UBL7: variants seen among roughly 807,000 people sequenced by gnomAD.
UBL7 encodes ubiquitin like 7, also known as ubiquitin-like protein 7.
In UBL7, 21 loss-of-function variants were observed where a neutral mutation model predicts 41.7. The observed-to-expected ratio is 0.50, with a 90% CI of 0.36 to 0.73. UBL7 has a LOEUF of 0.73. Among genes scored for constraint, UBL7 ranks in the 30% least tolerant of loss-of-function variants. UBL7 has a pLI of 0.00. For missense variants in UBL7, 403 were observed against 478.4 expected (o/e 0.84, Z 1.47); for synonymous variants, 157 against 186.9 (o/e 0.84, Z 1.31).
chr15:74,449,247 GT>G lies in UBL7; in HGVS notation c.820del (p.Thr274ProfsTer82), dbSNP rs2061216903. The part of the protein sequence containing the change: ...PRPITQSELA[T>X]ALALASTPES... ...CGGAGTGCTGGCCAGGGCCAAGGCG[GT>G]GGCCAGCTCACTCTGGGTGATGGGC... On this transcript the variant is annotated frameshift_variant, in exon 9 of 11. Coordinates refer to ENST00000395081, the MANE Select transcript of UBL7 (RefSeq NM_032907.5). LOFTEE classifies it high-confidence loss of function. The G allele has an allele frequency of 6.2e-7, 1 of 1,609,838 alleles. No individual in the cohort carries two copies. The highest frequency in any genetic ancestry group is 8.5e-7 in the Non-Finnish European group (1 of 1,178,444).
Position 74,461,022 on chromosome 15 carries a change from C to T in UBL7, c.-30+15G>A, listed in dbSNP as rs757231389. The T allele has an allele frequency of 2.8e-6, 3 of 1,068,458 alleles. No homozygotes were observed. The highest frequency in any genetic ancestry group is 3.4e-6 in the Non-Finnish European group (3 of 876,864). 66.2% of individuals were successfully genotyped at this position (1,068,458 alleles called of 1,614,324 possible). On this transcript the variant is annotated intron_variant, in intron 1 of 10. Transcript: ENST00000395081. ...CTAGTAATGGGGCAGGAACACTATC[C>T]GGTGGCGACCTCACCGCTCCAGTGG...
At chr15:74,454,587 G>C (rs766427711) in intron 3 of UBL7, among the ~76,000 whole-genome samples, 14 of 152,042 alleles carry the variant, frequency 9.2e-5, no homozygotes, top group Non-Finnish European at 2.1e-4. Flanking sequence ...TAGTATAGAC[G>C]GGGTTTCTCC....
At position 74,446,599 on chromosome 15, in the gene UBL7, G is replaced by A. The variant is rs1048804650; in HGVS notation, c.1006-372C>T. Among the ~76,000 whole-genome samples, 13 of 152,136 alleles carry A rather than the reference G, an allele frequency of 8.5e-5. No homozygotes were observed. Among genetic ancestry groups the A allele is most frequent in the African/African-American group, 2.7e-4 (11 of 41,414 alleles). On this transcript the variant is annotated intron_variant, in intron 10 of 10. Transcript: ENST00000395081. This position sits in a 1 kb window ranked among gnomAD's most constrained non-coding sequence, Gnocchi z 4.1. ...TACAGATTTTTTTCCCAGTTTGTTA[G>A]CCTTTGGACTTTGCTTCGGTTTTTT...
intron 2 of UBL7, among the ~76,000 whole-genome samples, chr15:74,457,417 C>T (rs1468346300): frequency 5.3e-5 from 8 of 152,272 alleles, no homozygotes; most frequent in African/African-American, 1.9e-4. Context: ...GTGGCAGACG[C>T]CTGTAATCCC....
rs371885370 is a variant in UBL7 at position 74,449,927 on chromosome 15, G to T, written c.664+9C>A. On this transcript the variant is annotated intron_variant, in intron 7 of 10. Transcript: ENST00000395081. ...TGAGGGGCCCACATTACACTTTTCA[G>T]GCGCTCACCTGGCATATCCCGGTAT... 31 of 1,607,938 alleles carry T rather than the reference G, an allele frequency of 1.9e-5. No individual in the cohort carries two copies. Among genetic ancestry groups the T allele is most frequent in the Non-Finnish European group, 2.5e-5 (30 of 1,177,300 alleles).
chr15:74,451,890 T>C (rs2061249619), intron 4 of UBL7, among the ~76,000 whole-genome samples: 1 of 152,188 alleles, frequency 6.6e-6, no homozygotes, highest in African/African-American at 2.4e-5. Context: ...TTCATATTTG[T>C]ATATATCGCT....
chr15:74,460,033 G>A (rs2061334257), intron 1 of UBL7, among the ~76,000 whole-genome samples: 1 of 146,788 alleles, frequency 6.8e-6, no homozygotes, highest in South Asian at 2.2e-4. Flanking sequence ...CTTAAGATCA[G>A]GTGTTTGAAA....
chr15:74,460,753 C>A (rs1198148372), intron 1 of UBL7: 1 of 1,284,970 alleles, frequency 7.8e-7, no homozygotes, highest in African/African-American at 1.5e-5. Flanking sequence ...TTGTTATAGT[C>A]ATCATTATTG....
In UBL7 at chr15:74,449,209, G is replaced by A; in HGVS notation, c.859C>T (p.His287Tyr). The A allele has an allele frequency of 1.3e-6, 2 of 1,573,976 alleles. No homozygotes were observed. Among genetic ancestry groups the A allele is most frequent in the Non-Finnish European group, 1.7e-6 (2 of 1,163,496 alleles). The stretch of plus-strand genomic sequence containing the variant: ...ACCTGGGTGCCAGGAGTCGGTGTGT[G>A]AGAGCTGCTCTCCGGAGTGCTGGCC... ...ALASTPESSS[H>Y]TPTPGTQGHS... The change falls in exon 9 of 11, where the codon CAC (histidine) becomes TAC (tyrosine). Residue 287 changes from histidine to tyrosine, a missense_variant. Transcript: ENST00000395081.
Position 74,455,362 on chromosome 15 carries a change from T to C in UBL7, c.304+1190A>G, listed in dbSNP as rs138260785. Among the ~76,000 whole-genome samples, 659 of 152,342 alleles carry C rather than the reference T, an allele frequency of 4.3e-3. 2 individuals carry two copies. The highest frequency in any genetic ancestry group is 0.015 in the African/African-American group (618 of 41,586). On this transcript the variant is annotated intron_variant, in intron 3 of 10. Transcript: ENST00000395081. Reference sequence around the variant, plus strand: ...TAAATCATGAATTCCAAGCACCTTCTATTTATAAACCAAAAAGGCATCTGA... The same window carrying C: ...TAAATCATGAATTCCAAGCACCTTCCATTTATAAACCAAAAAGGCATCTGA...
chr15:74,451,493 A>T lies in UBL7; in HGVS notation c.415T>A (p.Ser139Thr). 1 of 1,613,784 alleles carries T rather than the reference A, an allele frequency of 6.2e-7. No homozygotes were observed. The highest frequency in any genetic ancestry group is 8.5e-7 in the Non-Finnish European group (1 of 1,179,960). ...GTGGCCACAATGATCTGATCCAGAGACTCCTTATTGCTGAGCATCTTAAAG... is the reference window on the plus strand; with the variant it reads ...GTGGCCACAATGATCTGATCCAGAGTCTCCTTATTGCTGAGCATCTTAAAG... ...AVFKMLSNKE[S>T]LDQIIVATPG... Residue 139 changes from serine (S) to threonine (T), a missense_variant, in exon 5 of 11, where the codon TCT becomes ACT. Transcript: ENST00000395081.
At chr15:74,452,576 T>C (rs148783633) in intron 3 of UBL7, among the ~76,000 whole-genome samples, 198 bp from the exon 4 acceptor site, 1 of 152,364 alleles carries the variant, frequency 6.6e-6, no homozygotes, top group East Asian at 1.9e-4. Flanking sequence ...TAAGCATCTT[T>C]ACATTCACTT....
chr15:74,446,236 A>G lies in UBL7; in HGVS notation c.1006-9T>C. On this transcript the variant is annotated splice_polypyrimidine_tract_variant and intron_variant, in intron 10 of 10. Transcript: ENST00000395081. This position sits in a 1 kb window ranked among gnomAD's most constrained non-coding sequence, Gnocchi z 4.1. The stretch of plus-strand genomic sequence containing the variant: ...TGGGGCTGCCACTGGCTCTGTGGAA[A>G]GATAGGAATGGGCAGAAGCTGTTAG... 1 of 1,613,756 alleles carries G rather than the reference A, an allele frequency of 6.2e-7. No individual in the cohort carries two copies. The highest frequency in any genetic ancestry group is 8.5e-7 in the Non-Finnish European group (1 of 1,179,832).
At chr15:74,460,150 G>A (rs1029553743) in intron 1 of UBL7, among the ~76,000 whole-genome samples, 3 of 151,812 alleles carry the variant, frequency 2.0e-5, no homozygotes, top group African/African-American at 7.3e-5. Context: ...GCTGAGGCAG[G>A]AGAATTGCTT....
rs1015312775 is a variant in UBL7, at chr15:74,450,626, T to C, written c.530+176A>G. Among the ~76,000 whole-genome samples the C allele has an allele frequency of 2.0e-5, 3 of 152,188 alleles. No homozygotes were observed. In the East Asian group the frequency reaches 5.8e-4, roughly 29 times the overall value. ...AGAATCCTGCTTCCTCCCAGCACTC[T>C]TGACAAAAGCCCTGCTCTTGGGCTT... is the stretch of plus-strand genomic sequence containing the variant. On this transcript the variant is annotated intron_variant, in intron 6 of 10. Coordinates refer to ENST00000395081, the MANE Select transcript of UBL7 (RefSeq NM_032907.5).
chr15:74,456,128 GAAAAAAAA>G (rs553827153), intron 3 of UBL7, among the ~76,000 whole-genome samples: 1 of 93,500 alleles, frequency 1.1e-5, no homozygotes, highest in African/African-American at 4.0e-5. Flanking sequence ...CTCCGTCTCA[GAAAAAAAA>G]AAAAAAAAAA....
Position 74,448,556 on chromosome 15 carries a change from T to C in UBL7, c.927A>G (p.Ser309=), listed in dbSNP as rs1457376793. 6.2e-7 allele frequency: 1 copy of C among 1,614,100 alleles called. No individual in the cohort carries two copies. Among genetic ancestry groups the C allele is most frequent in the Admixed American group, 1.7e-5 (1 of 60,026 alleles). The change falls in exon 10 of 11, where the codon TCA becomes TCG. Residue 309 remains serine (S), a synonymous_variant. Transcript: ENST00000395081. ...AGAGATCATTGGTGATGGGCGTCCC[T>C]GACTGGACACCAGAGGACATTGGTG... ...GTSPMSSGVQ[S]GTPITNDLFS...
intron 4 of UBL7, among the ~76,000 whole-genome samples, 160 bp from the exon 5 acceptor site, chr15:74,451,680 G>A (rs1417606027): frequency 6.6e-6 from 1 of 151,068 alleles, no homozygotes; most frequent in Non-Finnish European, 1.5e-5. Flanking sequence ...TTTGCTCTAA[G>A]ATCTTAGCTT....
At chr15:74,460,915 T>C (rs1168665123) in intron 1 of UBL7, 122 bp downstream of exon 1, 4 of 1,158,584 alleles carry the variant, frequency 3.5e-6, no homozygotes, top group Non-Finnish European at 4.3e-6. Flanking sequence ...CTCACAACGG[T>C]TCCCTAAGGC....
Sources: allele counts gnomAD v4.1 joint callset (sites outside exome capture counted in the v4.1 genomes callset), GRCh38; gene constraint gnomAD v4.1.1; non-coding constraint Gnocchi (gnomAD v3.1); transcripts MANE v1.5; gene names NCBI Gene and HGNC (gene_info 2026-07-23, HGNC 2026-07-21).